CENPP: variants seen among roughly 807,000 people sequenced by gnomAD.
CENPP encodes the protein centromere protein P.
Under a neutral mutation model 35.6 loss-of-function variants are expected in CENPP, and 24 were observed. The observed-to-expected ratio is 0.67, with a 90% CI of 0.49 to 0.95. The LOEUF (loss-of-function observed/expected upper bound fraction) is 0.95, where lower values mean the gene tolerates loss of function less well. Ranked by LOEUF, CENPP falls within the 40% of genes least tolerant of loss-of-function variation. CENPP has a pLI of 0.00. For missense variants in CENPP, 332 were observed against 345.3 expected (o/e 0.96, Z 0.31); for synonymous variants, 120 against 125.5 (o/e 0.96, Z 0.29).
intron 5 of CENPP, among the ~76,000 whole-genome samples, chr9:92,478,975 C>G (rs972132117): frequency 2.0e-5 from 3 of 152,168 alleles, no homozygotes; most frequent in African/African-American, 7.2e-5. Context: ...GCAGCGGGAG[C>G]AAGGACTGGC....
At chr9:92,589,378 A>C (rs1291579886) in intron 5 of CENPP, among the ~76,000 whole-genome samples, 1 of 152,032 alleles carries the variant, frequency 6.6e-6, no homozygotes, top group Non-Finnish European at 1.5e-5. Flanking sequence ...GAGAAAAAGG[A>C]AACTACCAAA....
chr9:92,407,114 A>G (rs1843327588), intron 5 of CENPP, among the ~76,000 whole-genome samples: 1 of 152,178 alleles, frequency 6.6e-6, no homozygotes, highest in South Asian at 2.1e-4. Context: ...GCATTGCCTT[A>G]CGTTGATATG....
intron 4 of CENPP, among the ~76,000 whole-genome samples, chr9:92,352,505 G>GTGTGTGTATATATATATATATATA: frequency 1.0e-4 from 5 of 49,788 alleles, no homozygotes; most frequent in African/African-American, 5.4e-4. Context: ...GTGTGTGTGT[G>GTGTGTGTATATATATATATATATA]TATACATATA....
intron 5 of CENPP, among the ~76,000 whole-genome samples, chr9:92,585,869 C>G (rs1319336467): frequency 1.3e-5 from 2 of 152,150 alleles, no homozygotes; most frequent in African/African-American, 4.8e-5. Context: ...AGCCCATGTT[C>G]TTGGTGTAGC....
chr9:92,457,178 A>G (rs2131034310), intron 5 of CENPP: 2 of 1,447,006 alleles, frequency 1.4e-6, no homozygotes, highest in Non-Finnish European at 1.8e-6. Context: ...CCACTTGAGA[A>G]TAGATATTTG....
At chr9:92,484,753 C>T (rs1255145925) in intron 5 of CENPP, among the ~76,000 whole-genome samples, 2 of 152,214 alleles carry the variant, frequency 1.3e-5, no homozygotes, top group East Asian at 1.9e-4. Context: ...CAAGGCACTC[C>T]TCAGTCGAGT....
At chr9:92,390,402 T>C (rs552338103) in intron 5 of CENPP, among the ~76,000 whole-genome samples, 2 of 152,368 alleles carry the variant, frequency 1.3e-5, no homozygotes, top group Admixed American at 6.5e-5. Flanking sequence ...TTACATTTGA[T>C]TGGAATCATG....
At chr9:92,372,353 T>C (rs1427722332) in intron 4 of CENPP, among the ~76,000 whole-genome samples, 1 of 152,112 alleles carries the variant, frequency 6.6e-6, no homozygotes, top group Non-Finnish European at 1.5e-5. Flanking sequence ...AATCTGTTTA[T>C]GTTCCAGTTT....
Position 92,574,165 on chromosome 9 carries a change from C to T in CENPP, c.565-37149C>T, listed in dbSNP as rs570108861. On this transcript the variant is annotated intron_variant, in intron 5 of 7. Coordinates refer to ENST00000375587, the MANE Select transcript of CENPP (RefSeq NM_001012267.3). ...GAAATCACCCGTCTTCTGCATCGCT[C>T]ACGCTGGGAGCTATAGACTGGAGCT... 1.1e-4 allele frequency among the ~76,000 whole-genome samples: 16 copies of T among 152,280 alleles called. No individual in the cohort carries two copies. In the South Asian group the frequency reaches 3.1e-3, roughly 30 times the overall value.
chr9:92,354,865 A>G (rs1335554397), intron 4 of CENPP, among the ~76,000 whole-genome samples: 1 of 152,176 alleles, frequency 6.6e-6, no homozygotes, highest in African/African-American at 2.4e-5. Flanking sequence ...GGGTGACGTC[A>G]CATATCAGTA....
At chr9:92,610,306 G>A (rs555443926) in intron 5 of CENPP, among the ~76,000 whole-genome samples, 68 of 152,124 alleles carry the variant, frequency 4.5e-4, no homozygotes, top group African/African-American at 1.5e-3. Flanking sequence ...CACCCACCTC[G>A]GCCTCCTAAA....
intron 4 of CENPP, among the ~76,000 whole-genome samples, chr9:92,367,533 G>T (rs924144613): frequency 1.3e-5 from 2 of 152,048 alleles, no homozygotes; most frequent in Non-Finnish European, 2.9e-5. Context: ...TATCCCTAGA[G>T]AACCCATTTC....
At chr9:92,385,979 T>C (rs1842404325) in intron 5 of CENPP, among the ~76,000 whole-genome samples, 1 of 152,218 alleles carries the variant, frequency 6.6e-6, no homozygotes, top group African/African-American at 2.4e-5. Flanking sequence ...ACTTCACACG[T>C]ACTGTGCTGG....
In CENPP at chr9:92,444,877, G is replaced by T. The variant is rs75009384; in HGVS notation, c.564+65018G>T. ...CAGGAGCTGACATGGGCCCCTAGGA[G>T]TTACCTGGCGGCTGTACTGCAAGCA... On this transcript the variant is annotated intron_variant, in intron 5 of 7. Transcript: ENST00000375587. 2.1e-4 allele frequency among the ~76,000 whole-genome samples: 32 copies of T among 152,232 alleles called. 1 individual carries two copies. The East Asian group carries it at 5.6e-3, about 27-fold the overall frequency.
chr9:92,363,388 C>T (rs1199890777), intron 4 of CENPP, among the ~76,000 whole-genome samples: 4 of 152,200 alleles, frequency 2.6e-5, no homozygotes, highest in South Asian at 2.1e-4. Flanking sequence ...CTGTATTTTA[C>T]TGTACCTTTC....
rs751827826 is a variant in CENPP, at chr9:92,474,916, A to G, written c.564+95057A>G. On this transcript the variant is annotated intron_variant, in intron 5 of 7. Transcript: ENST00000375587. ...CCTTCATGGTGTCTTAGTGTAGAAG[A>G]CCAGTCTAGGACTAAACAGACATGG... 3.7e-6 allele frequency: 6 copies of G among 1,601,926 alleles called. No homozygotes were observed. The East Asian group carries it at 1.3e-4, about 36-fold the overall frequency.
chr9:92,558,937 A>G (rs968269201), intron 5 of CENPP, among the ~76,000 whole-genome samples: 9 of 151,968 alleles, frequency 5.9e-5, no homozygotes, highest in African/African-American at 2.2e-4. Flanking sequence ...CACAGGCCTC[A>G]CCCAGTTCCC....
intron 4 of CENPP, among the ~76,000 whole-genome samples, chr9:92,379,028 G>A (rs1554755154): frequency 6.6e-6 from 1 of 152,116 alleles, no homozygotes; most frequent in Non-Finnish European, 1.5e-5. Flanking sequence ...CATAAATTCT[G>A]GAGTTCCCAC....
intron 5 of CENPP, chr9:92,494,057 T>C: frequency 6.3e-7 from 1 of 1,596,094 alleles, no homozygotes; most frequent in South Asian, 1.1e-5. Flanking sequence ...TGCTTACTTG[T>C]CTGTTTGATT....
Sources: gnomAD v4.1 joint callset for allele counts (sites outside exome capture counted in the v4.1 genomes callset) on GRCh38, gnomAD v4.1.1 for gene constraint, MANE v1.5 for transcripts, NCBI Gene and HGNC (gene_info 2026-07-23, HGNC 2026-07-21) for gene names.